The following PHEX variants were observed in gnomAD, a reference collection of about 807,000 sequenced individuals.
The protein encoded by PHEX is phosphate regulating endopeptidase X-linked.
Under a neutral mutation model 68.0 loss-of-function variants are expected in PHEX, and 16 were observed. That is an observed-to-expected ratio of 0.24 (90% CI 0.16 to 0.36). The LOEUF is 0.36. PHEX is among the 10% of genes least tolerant of loss of function. The pLI is 1.00. For missense variants in PHEX, 480 were observed against 575.5 expected (o/e 0.83, Z 1.70); for synonymous variants, 208 against 205.1 (o/e 1.01, Z -0.12).
chrX:22,115,045 C>T (rs1043662042), intron 11 of PHEX, among the ~76,000 whole-genome samples: 3 of 111,340 alleles, frequency 2.7e-5, no homozygotes, highest in Non-Finnish European at 3.8e-5. Flanking sequence ...TCGAAGTATA[C>T]GGCCGGGCGC....
At chrX:22,219,419 T>C (rs899426584) in intron 17 of PHEX, among the ~76,000 whole-genome samples, 7 of 112,218 alleles carry the variant, frequency 6.2e-5, no homozygotes, top group African/African-American at 2.3e-4. Flanking sequence ...GCTTCTCCCT[T>C]TGTCATTTAT....
intron 14 of PHEX, among the ~76,000 whole-genome samples, chrX:22,182,827 C>A (rs1312592751): frequency 8.9e-6 from 1 of 111,983 alleles, no homozygotes; most frequent in Non-Finnish European, 1.9e-5. Flanking sequence ...ACTAAGGTCT[C>A]ACTGAGCTAG....
At chrX:22,096,897 A>C in intron 7 of PHEX, 58 bp from the exon 8 acceptor site, 9 of 894,280 alleles carry the variant, frequency 1.0e-5, no homozygotes, top group Non-Finnish European at 1.5e-5. Context: ...GTAGGAAGTA[A>C]TCATACAGTA....
intron 12 of PHEX, among the ~76,000 whole-genome samples, chrX:22,143,624 C>T (rs899714247): frequency 2.7e-5 from 3 of 112,297 alleles, no homozygotes; most frequent in Admixed American, 9.4e-5. Context: ...TCTATGGATT[C>T]ATGTATTTTG....
intron 20 of PHEX, among the ~76,000 whole-genome samples, chrX:22,243,573 C>A (rs756683256): frequency 5.4e-5 from 6 of 111,783 alleles, no homozygotes; most frequent in South Asian, 7.5e-4. Context: ...AAAGGACTTA[C>A]ACAAATTTAC....
At chrX:22,080,966 C>T (rs1040889545) in intron 5 of PHEX, among the ~76,000 whole-genome samples, 5 of 111,709 alleles carry the variant, frequency 4.5e-5, no homozygotes, top group Non-Finnish European at 7.5e-5. Flanking sequence ...CACAAGGTTC[C>T]GAACCTACTC....
intron 3 of PHEX, among the ~76,000 whole-genome samples, chrX:22,058,773 T>A (rs1459001131): frequency 8.9e-6 from 1 of 112,212 alleles, no homozygotes; most frequent in East Asian, 2.8e-4. Context: ...GCTCTAGAGC[T>A]TCTCTGGATG....
At chrX:22,181,999 A>G (rs1420545066) in intron 14 of PHEX, among the ~76,000 whole-genome samples, 1 of 111,821 alleles carries the variant, frequency 8.9e-6, no homozygotes, top group Non-Finnish European at 1.9e-5. Flanking sequence ...TTCCAAATAT[A>G]AGATCATATT....
intron 18 of PHEX, 73 bp downstream of exon 18, chrX:22,221,816 A>G (rs1241101568): frequency 2.1e-6 from 2 of 955,239 alleles, no homozygotes; most frequent in African/African-American, 3.8e-5. Context: ...CTTGCTTTAA[A>G]CCATTGGTTC....
intron 8 of PHEX, among the ~76,000 whole-genome samples, 181 bp from the exon 9 acceptor site, chrX:22,098,825 A>AAAAAAAAAAAAC: frequency 9.7e-6 from 1 of 103,558 alleles, no homozygotes; most frequent in African/African-American, 3.6e-5. Context: ...AAAAAAAAAA[A>AAAAAAAAAAAAC]AAGACAATAG....
chrX:22,222,296 G>A (rs894729837), intron 18 of PHEX, among the ~76,000 whole-genome samples: 6 of 111,664 alleles, frequency 5.4e-5, no homozygotes, highest in African/African-American at 1.6e-4. Context: ...ATAGTGCAGG[G>A]GTTTTCACAC....
chrX:22,069,608 A>G (rs892539709), intron 3 of PHEX, among the ~76,000 whole-genome samples: 1 of 112,099 alleles, frequency 8.9e-6, no homozygotes, highest in African/African-American at 3.2e-5. Context: ...CTTTTTCTTA[A>G]GCTGATGCTA....
At chrX:22,220,748 G>GTGTT (rs1334744689) in intron 17 of PHEX, among the ~76,000 whole-genome samples, 1 of 112,113 alleles carries the variant, frequency 8.9e-6, no homozygotes, top group Non-Finnish European at 1.9e-5. Context: ...CCAGGGGGTG[G>GTGTT]TGTTAGTAGT....
chrX:22,221,981 A>T (rs1031672714), intron 18 of PHEX, among the ~76,000 whole-genome samples: 8 of 111,999 alleles, frequency 7.1e-5, no homozygotes, highest in Non-Finnish European at 1.1e-4. Flanking sequence ...AGGGCTGGAA[A>T]AATACCTAAA....
At chrX:22,071,989 G>T (rs1337354334) in intron 3 of PHEX, among the ~76,000 whole-genome samples, 1 of 112,223 alleles carries the variant, frequency 8.9e-6, no homozygotes, top group Non-Finnish European at 1.9e-5. Context: ...CACTTTGGGA[G>T]GCTGAGGCGG....
intron 3 of PHEX, among the ~76,000 whole-genome samples, chrX:22,053,824 G>A (rs754071504): frequency 8.9e-6 from 1 of 112,184 alleles, no homozygotes; most frequent in African/African-American, 3.2e-5. Flanking sequence ...AGATGAAGTA[G>A]GGACTCTGCA....
intron 5 of PHEX, among the ~76,000 whole-genome samples, chrX:22,085,311 A>G (rs1460117364): frequency 1.8e-5 from 2 of 111,240 alleles, no homozygotes; most frequent in Non-Finnish European, 3.8e-5. Context: ...ATGGTGGCTC[A>G]TGCCTGTAAT....
intron 20 of PHEX, 112 bp downstream of exon 20, chrX:22,227,723 C>G (rs182267127): frequency 1.9e-5 from 10 of 531,799 alleles, no homozygotes; most frequent in Admixed American, 8.0e-5. Context: ...TGATTTTCAG[C>G]AAAAATGTTA....
intron 15 of PHEX, among the ~76,000 whole-genome samples, chrX:22,200,424 C>T (rs762693784): frequency 1.8e-4 from 20 of 110,904 alleles, no homozygotes; most frequent in African/African-American, 5.2e-4. Flanking sequence ...GCCTGGCCAA[C>T]GTGGTGAAAC....
Sources: gnomAD v4.1 joint callset for allele counts (sites outside exome capture counted in the v4.1 genomes callset) on GRCh38, gnomAD v4.1.1 for gene constraint, MANE v1.5 for transcripts, NCBI Gene and HGNC (gene_info 2026-07-23, HGNC 2026-07-21) for gene names.